Variants in PRKN observed in about 807,000 individuals in gnomAD.
PRKN encodes the protein parkin RBR E3 ubiquitin protein ligase.
PRKN carries 56 observed loss-of-function variants against 59.5 expected under a neutral mutation model. The ratio of observed to expected loss-of-function variants is 0.94; its 90% CI spans 0.76 to 1.18. The LOEUF is 1.18. Among genes scored for constraint, PRKN ranks in the 50% most tolerant of loss-of-function variants. The pLI, the probability that PRKN is intolerant of heterozygous loss-of-function variation, is 0.00. For synonymous variants in PRKN, 250 were observed against 222.1 expected, an observed-to-expected ratio of 1.13 and a Z score of -1.12; for missense variants, 657 against 596.4, an observed-to-expected ratio of 1.10 and a Z score of -1.06.
chr6:162,093,511 C>T (rs1202838274), intron 4 of PRKN, among the ~76,000 whole-genome samples: 4 of 152,126 alleles, frequency 2.6e-5, no homozygotes, highest in African/African-American at 7.2e-5. Context: ...AACCTGTCTG[C>T]CCCTCTCTCT....
chr6:162,295,066 C>T (rs901361003), intron 2 of PRKN, among the ~76,000 whole-genome samples: 1 of 152,190 alleles, frequency 6.6e-6, no homozygotes, highest in African/African-American at 2.4e-5. Context: ...TGCAGCTCAA[C>T]AATATATTAA....
At chr6:161,744,180 GTTTT>G (rs1045881046) in intron 7 of PRKN, among the ~76,000 whole-genome samples, 1 of 147,142 alleles carries the variant, frequency 6.8e-6, no homozygotes, top group African/African-American at 2.5e-5. Context: ...ATTATTTACT[GTTTT>G]TTTTTCTTTT....
At chr6:162,464,800 G>A (rs1160144563) in intron 1 of PRKN, among the ~76,000 whole-genome samples, 9 of 151,630 alleles carry the variant, frequency 5.9e-5, no homozygotes, top group Admixed American at 3.9e-4. Flanking sequence ...CTGCACTCCA[G>A]CCTGGGCAAC....
intron 6 of PRKN, among the ~76,000 whole-genome samples, chr6:161,822,947 T>C (rs1792094332): frequency 6.6e-6 from 1 of 152,180 alleles, no homozygotes; most frequent in Admixed American, 6.5e-5. Context: ...TATTAATTAT[T>C]TATTTTTTGA....
At chr6:161,743,392 T>TTATG (rs917619456) in intron 7 of PRKN, among the ~76,000 whole-genome samples, 4 of 146,240 alleles carry the variant, frequency 2.7e-5, no homozygotes, top group Admixed American at 1.4e-4. Context: ...GCTTTTTTAT[T>TTATG]TATTTATTTA....
intron 5 of PRKN, among the ~76,000 whole-genome samples, chr6:162,051,692 G>A (rs894881935): frequency 5.9e-5 from 9 of 152,084 alleles, no homozygotes; most frequent in Admixed American, 3.9e-4. Context: ...TCACCCCCAG[G>A]GCTGATGGGA....
chr6:162,059,126 G>A (rs1777992078), intron 4 of PRKN, among the ~76,000 whole-genome samples: 1 of 151,822 alleles, frequency 6.6e-6, no homozygotes, highest in Admixed American at 6.6e-5. Flanking sequence ...AATTTTTACT[G>A]CCCTAATAGC....
chr6:161,779,435 C>CTTTTTTTTTTTTTTTT (rs1583153971), intron 7 of PRKN, among the ~76,000 whole-genome samples: 1 of 40,432 alleles, frequency 2.5e-5, no homozygotes, highest in Non-Finnish European at 4.9e-5. Context: ...TTTTTCTTTT[C>CTTTTTTTTTTTTTTTT]TTTTCTTTTT....
chr6:161,713,682 A>G (rs986579356), intron 7 of PRKN, among the ~76,000 whole-genome samples: 1 of 152,102 alleles, frequency 6.6e-6, no homozygotes, highest in Non-Finnish European at 1.5e-5. Context: ...ACTCTGGCTC[A>G]TACTCACTTG....
intron 9 of PRKN, among the ~76,000 whole-genome samples, chr6:161,430,770 G>A (rs1435413267): frequency 1.1e-4 from 15 of 132,576 alleles, no homozygotes; most frequent in Non-Finnish European, 2.0e-4. Flanking sequence ...AGCCAAGATT[G>A]CGCCACTGCA....
At chr6:162,268,825 G>A (rs1012130835) in intron 2 of PRKN, among the ~76,000 whole-genome samples, 1 of 152,170 alleles carries the variant, frequency 6.6e-6, no homozygotes, top group Non-Finnish European at 1.5e-5. Context: ...AGGGGCCCAT[G>A]GTGAAGACCA....
At chr6:162,624,904 T>C (rs964582584) in intron 1 of PRKN, among the ~76,000 whole-genome samples, 1 of 152,154 alleles carries the variant, frequency 6.6e-6, no homozygotes, top group Non-Finnish European at 1.5e-5. Context: ...ATAACATATA[T>C]TGGAGCTTGA....
chr6:162,485,004 A>G (rs576834084), intron 1 of PRKN, among the ~76,000 whole-genome samples: 4 of 152,222 alleles, frequency 2.6e-5, no homozygotes, highest in Non-Finnish European at 5.9e-5. Flanking sequence ...TAATCAGGAA[A>G]AACAAAGACA....
chr6:161,683,316 G>A (rs937003110), intron 7 of PRKN, among the ~76,000 whole-genome samples: 2 of 152,126 alleles, frequency 1.3e-5, no homozygotes, highest in Non-Finnish European at 2.9e-5. Flanking sequence ...CTGGGTCCTG[G>A]GAAAAGAGGA....
At chr6:162,390,671 G>T (rs1432357087) in intron 2 of PRKN, among the ~76,000 whole-genome samples, 1 of 151,920 alleles carries the variant, frequency 6.6e-6, no homozygotes, top group Admixed American at 6.6e-5. Context: ...TCGAACTCCT[G>T]ACCTCAACTG....
intron 7 of PRKN, among the ~76,000 whole-genome samples, chr6:161,724,642 A>C (rs1234677369): frequency 6.6e-6 from 1 of 152,190 alleles, no homozygotes; most frequent in African/African-American, 2.4e-5. Flanking sequence ...AAAATGCTAC[A>C]TTTTGTTTTT....
chr6:162,463,759 ACT>A, intron 1 of PRKN, among the ~76,000 whole-genome samples: 1 of 152,126 alleles, frequency 6.6e-6, no homozygotes, highest in East Asian at 1.9e-4. Context: ...CAGCTGAGTG[ACT>A]GTATATGATT....
intron 4 of PRKN, among the ~76,000 whole-genome samples, chr6:162,067,069 T>C (rs761113814): frequency 1.1e-4 from 17 of 152,208 alleles, no homozygotes; most frequent in Non-Finnish European, 2.4e-4. Flanking sequence ...TCCATTTTTT[T>C]TTCTCTCCTG....
At chr6:162,698,643 T>A (rs908535900) in intron 1 of PRKN, among the ~76,000 whole-genome samples, 3 of 152,258 alleles carry the variant, frequency 2.0e-5, no homozygotes, top group South Asian at 2.1e-4. Context: ...GCTGCAGAGA[T>A]AAGAACTGAC....
Sources: gnomAD v4.1 joint callset for allele counts (sites outside exome capture counted in the v4.1 genomes callset) on GRCh38, gnomAD v4.1.1 for gene constraint, MANE v1.5 for transcripts, NCBI Gene and HGNC (gene_info 2026-07-23, HGNC 2026-07-21) for gene names.